Variants in NOL9 observed in about 807,000 individuals in gnomAD.
NOL9 encodes polynucleotide 5'-hydroxyl-kinase NOL9.
In NOL9, 28 loss-of-function variants were observed where a neutral mutation model predicts 67.9. That is an observed-to-expected ratio of 0.41 (90% CI 0.31 to 0.57). The LOEUF is 0.57. NOL9 is among the 20% of genes least tolerant of loss of function. NOL9 has a pLI of 0.25. For synonymous variants in NOL9, 356 were observed against 352.2 expected (o/e 1.01, Z -0.12); for missense variants, 777 against 897.0 (o/e 0.87, Z 1.71).
intron 6 of NOL9, among the ~76,000 whole-genome samples, chr1:6,534,333 G>C (rs1355175587): frequency 6.6e-6 from 1 of 152,166 alleles, no homozygotes; most frequent in Admixed American, 6.5e-5. Context: ...CGGCTCCTGC[G>C]TTCACACTCC....
chr1:6,534,723 C>T (rs1557785694), intron 6 of NOL9, among the ~76,000 whole-genome samples: 1 of 152,178 alleles, frequency 6.6e-6, no homozygotes, highest in Non-Finnish European at 1.5e-5. Flanking sequence ...AGAAGGCTAA[C>T]GAGAGTGACC....
intron 9 of NOL9, among the ~76,000 whole-genome samples, chr1:6,531,564 G>A (rs972395726): frequency 1.6e-4 from 25 of 152,144 alleles, no homozygotes; most frequent in African/African-American, 5.1e-4. Flanking sequence ...CACTGTGAAC[G>A]CTCCCTGAAT....
intron 6 of NOL9, among the ~76,000 whole-genome samples, chr1:6,534,355 T>C (rs1002490841): frequency 6.6e-6 from 1 of 152,166 alleles, no homozygotes; most frequent in African/African-American, 2.4e-5. Flanking sequence ...AATCATGACA[T>C]ATCTCCTCTG....
chr1:6,535,934 A>G (rs866800115), intron 6 of NOL9, among the ~76,000 whole-genome samples: 4 of 151,754 alleles, frequency 2.6e-5, no homozygotes, highest in Non-Finnish European at 4.4e-5. Context: ...ATCTCAAAAA[A>G]AAAAAAAAAG....
At chr1:6,546,919 C>T (rs1639432988) in intron 3 of NOL9, among the ~76,000 whole-genome samples, 1 of 152,232 alleles carries the variant, frequency 6.6e-6, no homozygotes, top group Non-Finnish European at 1.5e-5. Context: ...CCATTCCAAT[C>T]AGGCTACTTC....
At chr1:6,531,876 G>C in intron 9 of NOL9, 92 bp downstream of exon 9, 1 of 886,956 alleles carries the variant, frequency 1.1e-6, no homozygotes. Context: ...TGAGCGAGGA[G>C]TTATGTAGTG....
intron 6 of NOL9, among the ~76,000 whole-genome samples, chr1:6,535,797 G>A (rs1464091083): frequency 6.6e-6 from 1 of 151,830 alleles, no homozygotes; most frequent in Admixed American, 6.6e-5. Flanking sequence ...GCATGGTGGC[G>A]GGTGCCTGTA....
At chr1:6,548,026 C>T (rs1443881361) in intron 3 of NOL9, 3 of 280,598 alleles carry the variant, frequency 1.1e-5, no homozygotes, top group African/African-American at 4.5e-5. Context: ...GTCCCGAACC[C>T]CTGGTAATAA....
Position 6,554,510 on chromosome 1 carries a change from C to A in NOL9, c.-8G>T. On this transcript the variant is annotated 5_prime_UTR_variant, in exon 1 of 12. Coordinates refer to ENST00000377705, the MANE Select transcript of NOL9 (RefSeq NM_024654.5). ...CAGTCCCGAGTCCGCCATGCTGGGT[C>A]CTCAGGGCCTACCGCGCGAGAATCT... 1 of 1,517,572 alleles carries A rather than the reference C, an allele frequency of 6.6e-7. No individual in the cohort carries two copies. The highest frequency in any genetic ancestry group is 8.7e-7 in the Non-Finnish European group (1 of 1,148,126). The allele number at this position is 1,517,572 out of a possible 1,614,324, so 94.0% of individuals were successfully genotyped here.
intron 6 of NOL9, among the ~76,000 whole-genome samples, chr1:6,535,953 A>T (rs968271355): frequency 2.0e-5 from 3 of 148,690 alleles, no homozygotes; most frequent in Admixed American, 6.7e-5. Flanking sequence ...AGTTGGAGGT[A>T]TCACATTCTC....
intron 9 of NOL9, 152 bp downstream of exon 9, chr1:6,531,816 A>C: frequency 1.5e-6 from 1 of 656,566 alleles, no homozygotes; most frequent in South Asian, 1.8e-5. Context: ...CCATCTGTAA[A>C]GTGGGAATAA....
rs936823633 is a variant in NOL9, at chr1:6,521,987, T to G, written c.*3867A>C. The G allele has an allele frequency of 2.0e-5, 3 of 152,214 alleles. No individual in the cohort carries two copies. The highest frequency in any genetic ancestry group is 4.4e-5 in the Non-Finnish European group (3 of 68,036). The allele number at this position is 152,214 out of a possible 1,614,324, so 9.4% of individuals were successfully genotyped here. ...ACTGACAAGTGGTAGAGCCAGGATT[T>G]GAACTCAGAGCTCTATAATCAAAGC... On this transcript the variant is annotated 3_prime_UTR_variant, in exon 12 of 12. Transcript: ENST00000377705.
intron 6 of NOL9, among the ~76,000 whole-genome samples, chr1:6,539,975 G>C (rs1442378499): frequency 1.3e-5 from 2 of 152,130 alleles, no homozygotes; most frequent in Non-Finnish European, 2.9e-5. Flanking sequence ...GAGGACAAGA[G>C]GGAGTTAAGG....
chr1:6,552,793 T>TCTTTTCCCCTCCCTCCTTCCTTTCTTC (rs1639571235), intron 1 of NOL9, among the ~76,000 whole-genome samples: 6 of 152,138 alleles, frequency 3.9e-5, no homozygotes, highest in Non-Finnish European at 7.4e-5. Flanking sequence ...TTCCTTTCTT[T>TCTTTTCCCCTCCCTCCTTCCTTTCTTC]CTTTTCCCCT....
At chr1:6,553,923 C>T (rs1248051147) in intron 1 of NOL9, among the ~76,000 whole-genome samples, 184 bp downstream of exon 1, 1 of 152,176 alleles carries the variant, frequency 6.6e-6, no homozygotes, top group Non-Finnish European at 1.5e-5. Context: ...AGCAGGGTAC[C>T]TGTTACCCTG....
intron 10 of NOL9, among the ~76,000 whole-genome samples, chr1:6,528,590 G>C (rs1310299963): frequency 6.6e-6 from 1 of 152,212 alleles, no homozygotes; most frequent in East Asian, 1.9e-4. Context: ...GGGGATCCCA[G>C]GTCTGCATGC....
intron 1 of NOL9, among the ~76,000 whole-genome samples, chr1:6,552,722 A>G (rs6577580): frequency 0.98 from 148,465 of 152,270 alleles, 72,486 homozygotes; most frequent in Non-Finnish European, 1. Context: ...CACCCACCTC[A>G]GCCTCCAAAA....
chr1:6,536,369 TAAAAA>T (rs1383651886), intron 6 of NOL9, among the ~76,000 whole-genome samples: 22 of 84,626 alleles, frequency 2.6e-4, no homozygotes, highest in African/African-American at 7.0e-4. Flanking sequence ...TAAAATAAAA[TAAAAA>T]AATAAAAGTT....
intron 1 of NOL9, among the ~76,000 whole-genome samples, 165 bp downstream of exon 1, chr1:6,553,942 G>A (rs550689485): frequency 5.9e-5 from 9 of 152,276 alleles, no homozygotes; most frequent in African/African-American, 2.2e-4. Context: ...TGCTGCTCAG[G>A]GGAGCCTAGT....
Sources: allele counts gnomAD v4.1 joint callset (sites outside exome capture counted in the v4.1 genomes callset), GRCh38; gene constraint gnomAD v4.1.1; transcripts MANE v1.5; gene names NCBI Gene and HGNC (gene_info 2026-07-23, HGNC 2026-07-21).